Variants in JMJD1C observed in about 807,000 individuals in gnomAD.
JMJD1C encodes the protein jumonji domain containing 1C.
A neutral mutation model predicts 245.3 loss-of-function variants in JMJD1C; 31 were observed. That is an observed-to-expected ratio of 0.13 (90% CI 0.09 to 0.17). The LOEUF (loss-of-function observed/expected upper bound fraction) is 0.17. Among genes scored for constraint, JMJD1C ranks in the 10% least tolerant of loss-of-function variants. JMJD1C has a pLI of 1.00. For synonymous variants in JMJD1C, 1,057 were observed against 1,017.4 expected (o/e 1.04, Z -0.74); for missense variants, 2,691 against 3,000.2 (o/e 0.90, Z 2.41).
At chr10:63,452,944 T>C (rs181718079) in intron 1 of JMJD1C, among the ~76,000 whole-genome samples, 3 of 152,316 alleles carry the variant, frequency 2.0e-5, no homozygotes, top group East Asian at 3.9e-4. Flanking sequence ...TTTCAAAATA[T>C]TGTTAATATA....
chr10:63,449,932 G>C (rs987637653), intron 1 of JMJD1C, among the ~76,000 whole-genome samples: 3 of 152,006 alleles, frequency 2.0e-5, no homozygotes, highest in Non-Finnish European at 2.9e-5. Context: ...GGGCAACAAA[G>C]GGACACTCCA....
intron 2 of JMJD1C, among the ~76,000 whole-genome samples, chr10:63,269,522 A>G (rs886780235): frequency 6.6e-6 from 1 of 152,212 alleles, no homozygotes; most frequent in South Asian, 2.1e-4. Context: ...ACATGTGACT[A>G]TCTCTCAAGT....
chr10:63,297,863 A>G (rs1859629023), intron 2 of JMJD1C, among the ~76,000 whole-genome samples: 1 of 152,196 alleles, frequency 6.6e-6, no homozygotes, highest in Admixed American at 6.5e-5. Context: ...AGAAAGAAAG[A>G]AGAGCTGTGG....
At chr10:63,433,072 G>A (rs1950857279) in intron 1 of JMJD1C, among the ~76,000 whole-genome samples, 1 of 151,686 alleles carries the variant, frequency 6.6e-6, no homozygotes, top group Non-Finnish European at 1.5e-5. Flanking sequence ...CTCAAACAAG[G>A]GATTTATTTA....
intron 2 of JMJD1C, among the ~76,000 whole-genome samples, chr10:63,281,312 T>TGC (rs879564156): frequency 1.4e-5 from 2 of 144,296 alleles, no homozygotes; most frequent in African/African-American, 2.7e-5. Context: ...TTTTTCTGTT[T>TGC]TTTTTTTTTG....
chr10:63,337,623 GA>G (rs56205222), intron 2 of JMJD1C, among the ~76,000 whole-genome samples: 15,481 of 39,242 alleles, frequency 0.39, 2,396 homozygotes, highest in African/African-American at 0.59. Flanking sequence ...GAAAAGAAAA[GA>G]AAAAGAAAAG....
intron 1 of JMJD1C, among the ~76,000 whole-genome samples, chr10:63,410,433 G>A (rs1240607059): frequency 6.6e-6 from 1 of 152,160 alleles, no homozygotes; most frequent in East Asian, 1.9e-4. Flanking sequence ...TGAAGGAAAT[G>A]AAGAGTGAGT....
intron 2 of JMJD1C, among the ~76,000 whole-genome samples, chr10:63,289,086 T>C (rs1446108440): frequency 6.6e-6 from 1 of 152,092 alleles, no homozygotes; most frequent in East Asian, 1.9e-4. Context: ...TAATATGGGT[T>C]ATGGGTCTTT....
At chr10:63,423,903 C>T (rs553306080) in intron 1 of JMJD1C, among the ~76,000 whole-genome samples, 91 of 152,272 alleles carry the variant, frequency 6.0e-4, no homozygotes, top group African/African-American at 2.0e-3. Flanking sequence ...AAGATACTGA[C>T]GATCTTGCCT....
intron 2 of JMJD1C, among the ~76,000 whole-genome samples, chr10:63,272,724 T>C (rs1163570629): frequency 6.6e-6 from 1 of 152,242 alleles, no homozygotes; most frequent in Non-Finnish European, 1.5e-5. Flanking sequence ...AAATGCTTAA[T>C]ACAGCTTAAT....
chr10:63,393,640 A>G (rs1168682180), intron 1 of JMJD1C, among the ~76,000 whole-genome samples: 3 of 152,190 alleles, frequency 2.0e-5, no homozygotes, highest in Non-Finnish European at 2.9e-5. Context: ...CAACCTGTCT[A>G]TTAACAGATG....
At chr10:63,226,450 C>A (rs987159414) in intron 3 of JMJD1C, among the ~76,000 whole-genome samples, 13 of 151,186 alleles carry the variant, frequency 8.6e-5, no homozygotes, top group Admixed American at 6.6e-4. Flanking sequence ...CGGTGGCTCA[C>A]ACCTATAATC....
At chr10:63,236,226 T>C (rs1340285142) in intron 3 of JMJD1C, among the ~76,000 whole-genome samples, 1 of 152,172 alleles carries the variant, frequency 6.6e-6, no homozygotes, top group Non-Finnish European at 1.5e-5. Flanking sequence ...ATCACCCAAC[T>C]GAAACCTATC....
At chr10:63,412,523 G>A (rs796632899) in intron 1 of JMJD1C, among the ~76,000 whole-genome samples, 5 of 152,218 alleles carry the variant, frequency 3.3e-5, no homozygotes, top group African/African-American at 4.8e-5. Flanking sequence ...GCAGACATTC[G>A]CAACATTTGA....
Position 63,465,957 on chromosome 10 carries a change from C to T in JMJD1C, c.-295G>A, listed in dbSNP as rs1442512417. 3 of 518,670 alleles carry T rather than the reference C, an allele frequency of 5.8e-6. No homozygotes were observed. The highest frequency in any genetic ancestry group is 7.1e-6 in the Non-Finnish European group (2 of 279,976). The allele number at this position is 518,670 out of a possible 1,614,324, so 32.1% of individuals were successfully genotyped here. A position where few individuals can be genotyped will look rare whatever the true frequency, so the allele number is the denominator to read the frequency against. The stretch of plus-strand genomic sequence containing the variant: ...GACCCCGAGGCAGCCCAGCCGCCGC[C>T]ACCGCGCCGCGGCCAGTACTGCTCC... On this transcript the variant is annotated 5_prime_UTR_variant, in exon 1 of 26. Coordinates refer to ENST00000399262, the MANE Select transcript of JMJD1C (RefSeq NM_032776.3).
At chr10:63,243,080 G>A (rs1006249034) in intron 3 of JMJD1C, among the ~76,000 whole-genome samples, 10 of 125,260 alleles carry the variant, frequency 8.0e-5, no homozygotes, top group African/African-American at 3.1e-4. Context: ...TTCTCTCAAA[G>A]AGCCAAAATA....
intron 1 of JMJD1C, among the ~76,000 whole-genome samples, chr10:63,416,540 G>A (rs1564897449): frequency 6.6e-6 from 1 of 152,032 alleles, no homozygotes; most frequent in Non-Finnish European, 1.5e-5. Flanking sequence ...AAGTAACAAG[G>A]GGAAAACTGT....
intron 2 of JMJD1C, among the ~76,000 whole-genome samples, chr10:63,288,162 T>C (rs1477914681): frequency 6.6e-6 from 1 of 152,204 alleles, no homozygotes; most frequent in Non-Finnish European, 1.5e-5. Context: ...GCCAACTGTA[T>C]GTACTGAAAA....
intron 1 of JMJD1C, among the ~76,000 whole-genome samples, chr10:63,412,494 G>C (rs1256302475): frequency 6.6e-6 from 1 of 152,176 alleles, no homozygotes; most frequent in African/African-American, 2.4e-5. Flanking sequence ...GGAGATGTCA[G>C]CATCACACTG....
Sources: allele counts gnomAD v4.1 joint callset (sites outside exome capture counted in the v4.1 genomes callset), GRCh38; gene constraint gnomAD v4.1.1; transcripts MANE v1.5; gene names NCBI Gene and HGNC (gene_info 2026-07-23, HGNC 2026-07-21).